Variants in TLCD4 observed in about 807,000 individuals in gnomAD.
The protein encoded by TLCD4 is TLC domain containing 4.
TLCD4 carries 7 observed loss-of-function variants against 24.2 expected under a neutral mutation model. The observed-to-expected ratio is 0.29, with a 90% CI of 0.16 to 0.54. The LOEUF (loss-of-function observed/expected upper bound fraction) is 0.54, where lower values mean the gene tolerates loss of function less well. TLCD4 is among the 20% of genes least tolerant of loss of function. The pLI, the probability that TLCD4 is intolerant of heterozygous loss-of-function variation, is 0.95. For synonymous variants in TLCD4, 103 were observed against 106.4 expected, an observed-to-expected ratio of 0.97 and a Z score of 0.20; for missense variants, 259 against 313.9, an observed-to-expected ratio of 0.82 and a Z score of 1.32.
At chr1:95,150,846 A>T (rs1677474383) in intron 4 of TLCD4, among the ~76,000 whole-genome samples, 1 of 152,078 alleles carries the variant, frequency 6.6e-6, no homozygotes, top group Non-Finnish European at 1.5e-5. Flanking sequence ...TGTTTGAATT[A>T]TTGTAGTGAC....
At chr1:95,191,086 A>G (rs138148464) in intron 6 of TLCD4, among the ~76,000 whole-genome samples, 2,042 of 152,108 alleles carry the variant, frequency 0.013, 66 homozygotes, top group African/African-American at 0.047. Flanking sequence ...TTTCTTATGG[A>G]AGTTTTATAG....
At chr1:95,162,762 G>A (rs11590669) in intron 5 of TLCD4, among the ~76,000 whole-genome samples, 6 of 151,798 alleles carry the variant, frequency 4.0e-5, no homozygotes, top group Admixed American at 3.3e-4. Flanking sequence ...CACTTATGAA[G>A]CTTAGTTTAG....
upstream of TLCD4, among the ~76,000 whole-genome samples, chr1:95,115,088 T>C (rs1361593155): frequency 1.4e-5 from 2 of 143,848 alleles, no homozygotes; most frequent in Non-Finnish European, 3.0e-5. Context: ...TATATACACA[T>C]TATATATATA....
intron 1 of TLCD4, among the ~76,000 whole-genome samples, chr1:95,127,715 A>G (rs1025496190): frequency 5.9e-5 from 9 of 152,194 alleles, no homozygotes; most frequent in African/African-American, 2.2e-4. Context: ...CTTCAGCTTC[A>G]GGGACTCTTC....
intron 6 of TLCD4, among the ~76,000 whole-genome samples, chr1:95,185,750 CAT>C (rs1312731545): frequency 6.6e-6 from 1 of 152,150 alleles, no homozygotes; most frequent in African/African-American, 2.4e-5. Flanking sequence ...ATGCAAATAA[CAT>C]AAAATAATGT....
At chr1:95,103,440 G>C in the TLCD4 span, among the ~76,000 whole-genome samples, 4 of 152,196 alleles carry the variant, frequency 2.6e-5, no homozygotes, top group South Asian at 8.3e-4. Flanking sequence ...AAGTTGGGGA[G>C]AATCGTGAAA....
intron 1 of TLCD4, among the ~76,000 whole-genome samples, chr1:95,127,614 C>T (rs1440478773): frequency 6.6e-6 from 1 of 152,208 alleles, no homozygotes; most frequent in Non-Finnish European, 1.5e-5. Flanking sequence ...GAAATAAGTA[C>T]ATTAGATGCC....
intron 1 of TLCD4, among the ~76,000 whole-genome samples, chr1:95,142,857 G>T (rs12407571): frequency 0.052 from 7,896 of 152,084 alleles, 327 homozygotes; most frequent in East Asian, 0.2. Context: ...TGATGAGGCA[G>T]CAGAATTGCT....
the TLCD4 span, among the ~76,000 whole-genome samples, chr1:95,097,142 T>G: frequency 6.6e-6 from 1 of 152,224 alleles, no homozygotes; most frequent in African/African-American, 2.4e-5. Flanking sequence ...TGTGATAATT[T>G]AATACCTTTA....
At chr1:95,168,850 G>C (rs1390656158) in intron 5 of TLCD4, among the ~76,000 whole-genome samples, 1 of 152,158 alleles carries the variant, frequency 6.6e-6, no homozygotes. Flanking sequence ...CAGTGAATAA[G>C]GAACAGGAAA....
the TLCD4 span, among the ~76,000 whole-genome samples, chr1:95,101,873 A>G: frequency 6.6e-6 from 1 of 152,248 alleles, no homozygotes; most frequent in Admixed American, 6.5e-5. Context: ...GTTGGGGGCA[A>G]CATGAGCAAA....
At chr1:95,186,371 G>C (rs1028353926) in intron 6 of TLCD4, among the ~76,000 whole-genome samples, 1 of 152,220 alleles carries the variant, frequency 6.6e-6, no homozygotes, top group African/African-American at 2.4e-5. Flanking sequence ...AAACACTGGA[G>C]ATCAGCAGAG....
intron 6 of TLCD4, among the ~76,000 whole-genome samples, chr1:95,181,469 T>C (rs1678638521): frequency 6.6e-6 from 1 of 152,220 alleles, no homozygotes. Flanking sequence ...GGTAGTTTCT[T>C]AAAGGGTAAG....
intron 3 of TLCD4, among the ~76,000 whole-genome samples, 157 bp downstream of exon 3, chr1:95,148,948 GATTT>G (rs1677421573): frequency 6.6e-6 from 1 of 152,138 alleles, no homozygotes; most frequent in African/African-American, 2.4e-5. Flanking sequence ...GCATTTAAAT[GATTT>G]ATTTTAGATT....
chr1:95,097,647 G>T, the TLCD4 span, among the ~76,000 whole-genome samples: 1 of 152,190 alleles, frequency 6.6e-6, no homozygotes, highest in African/African-American at 2.4e-5. Context: ...AATGAGAGAG[G>T]ACACCAGGAA....
chr1:95,135,542 C>T (rs758123292), intron 1 of TLCD4, among the ~76,000 whole-genome samples: 9 of 151,760 alleles, frequency 5.9e-5, no homozygotes, highest in African/African-American at 1.5e-4. Context: ...GGACAACAGC[C>T]GCATACCACC....
rs1213705235 is a variant in TLCD4 at position 95,148,771 on chromosome 1, T to C, written c.225T>C (p.Ala75=). The change falls in exon 3 of 7, where the codon GCT becomes GCC. Residue 75 remains alanine (A), a synonymous_variant. Coordinates refer to ENST00000370203, the MANE Select transcript of TLCD4 (RefSeq NM_152487.3). ...TGTACATTTTCTTATTCGATGAGGC[T>C]ACTAAAGCTGATCCACTTTGGTAAG... The part of the protein sequence containing the change: ...FGLYIFLFDE[A]TKADPLWGGP... 6.2e-7 allele frequency: 1 copy of C among 1,613,628 alleles called. No homozygotes were observed. Among genetic ancestry groups the C allele is most frequent in the East Asian group, 2.2e-5 (1 of 44,810 alleles).
the TLCD4 span, among the ~76,000 whole-genome samples, chr1:95,098,598 C>T: frequency 2.9e-3 from 447 of 152,286 alleles, 1 homozygote; most frequent in African/African-American, 0.01. Context: ...TCTGATAAAT[C>T]TCTTTTTTGA....
At chr1:95,171,428 A>C (rs1008468662) in intron 5 of TLCD4, among the ~76,000 whole-genome samples, 1 of 152,202 alleles carries the variant, frequency 6.6e-6, no homozygotes, top group African/African-American at 2.4e-5. Context: ...ATGCAACTTA[A>C]GTGTGTTGTA....
Sources: allele counts gnomAD v4.1 joint callset (sites outside exome capture counted in the v4.1 genomes callset), GRCh38; gene constraint gnomAD v4.1.1; transcripts MANE v1.5; gene names NCBI Gene and HGNC (gene_info 2026-07-23, HGNC 2026-07-21).